Variants in SYT1 observed in about 807,000 individuals in gnomAD.
The protein encoded by SYT1 is synaptotagmin-1.
A neutral mutation model predicts 44.8 loss-of-function variants in SYT1; 8 were observed. That is an observed-to-expected ratio of 0.18 (90% CI 0.10 to 0.32). SYT1 has a LOEUF of 0.32. Among genes scored for constraint, SYT1 ranks in the 10% least tolerant of loss-of-function variants. The pLI is 1.00. For synonymous variants in SYT1, 154 were observed against 188.8 expected, an observed-to-expected ratio of 0.82 and a Z score of 1.51; for missense variants, 286 against 509.3, an observed-to-expected ratio of 0.56 and a Z score of 4.22.
At chr12:78,978,562 C>A (rs1244960779) in intron 2 of SYT1, among the ~76,000 whole-genome samples, 1 of 152,200 alleles carries the variant, frequency 6.6e-6, no homozygotes, top group African/African-American at 2.4e-5. Context: ...AATTCAATTA[C>A]CATTCTTCAT....
intron 3 of SYT1, among the ~76,000 whole-genome samples, chr12:79,204,516 T>C (rs1202297230): frequency 6.6e-6 from 1 of 152,224 alleles, no homozygotes; most frequent in Admixed American, 6.5e-5. Context: ...CTGTAACTTC[T>C]ATAAAAAACA....
In SYT1 at chr12:79,225,994, A is replaced by G. The variant is rs1416246077; in HGVS notation, c.166+8309A>G. The stretch of plus-strand genomic sequence containing the variant: ...CTCTAGCTTCTTCCAAAATAATGTA[A>G]GCTCTCTGAAGGCAATATGTTGGGT... On this transcript the variant is annotated intron_variant, in intron 4 of 10. Coordinates refer to ENST00000261205, the MANE Select transcript of SYT1 (RefSeq NM_005639.3). Among the ~76,000 whole-genome samples, 9 of 152,268 alleles carry G rather than the reference A, an allele frequency of 5.9e-5. No homozygotes were observed. The East Asian group carries it at 1.7e-3, about 29-fold the overall frequency.
chr12:79,397,957 G>A (rs867697927), intron 9 of SYT1, among the ~76,000 whole-genome samples: 4 of 152,188 alleles, frequency 2.6e-5, no homozygotes, highest in South Asian at 2.1e-4. Flanking sequence ...TGTTGGTGCA[G>A]CTTTTTAGTC....
chr12:78,977,743 T>C (rs916366816), intron 1 of SYT1, 56 bp from the exon 2 acceptor site: 8 of 152,208 alleles, frequency 5.3e-5, no homozygotes, highest in African/African-American at 1.9e-4. Flanking sequence ...ACCCAGTCAG[T>C]GTGCAGAGTT....
intron 3 of SYT1, among the ~76,000 whole-genome samples, chr12:79,145,895 C>G (rs1592790137): frequency 6.6e-6 from 1 of 150,884 alleles, no homozygotes; most frequent in South Asian, 2.1e-4. Flanking sequence ...GTAGCTGGGA[C>G]TACAGGCGCC....
chr12:79,386,978 C>A (rs1884461083), intron 9 of SYT1, among the ~76,000 whole-genome samples: 1 of 152,124 alleles, frequency 6.6e-6, no homozygotes, highest in Non-Finnish European at 1.5e-5. Flanking sequence ...TTAATAGAGC[C>A]ATTCTAAACA....
chr12:79,089,962 C>T (rs1336458387), intron 3 of SYT1, among the ~76,000 whole-genome samples: 1 of 152,016 alleles, frequency 6.6e-6, no homozygotes, highest in East Asian at 1.9e-4. Flanking sequence ...TGTGATTATT[C>T]CAACAACAAC....
At chr12:79,175,430 G>T (rs1388759900) in intron 3 of SYT1, among the ~76,000 whole-genome samples, 1 of 151,930 alleles carries the variant, frequency 6.6e-6, no homozygotes, top group African/African-American at 2.4e-5. Flanking sequence ...CATTAATTTG[G>T]CAGCTGACAA....
At chr12:78,882,255 A>T (rs1358798591) in intron 1 of SYT1, among the ~76,000 whole-genome samples, 1 of 151,788 alleles carries the variant, frequency 6.6e-6, no homozygotes, top group Non-Finnish European at 1.5e-5. Flanking sequence ...TTAAAGAAGT[A>T]TGAAGTTTTC....
chr12:78,944,425 C>T (rs17046073), intron 1 of SYT1, among the ~76,000 whole-genome samples: 22,888 of 151,480 alleles, frequency 0.15, 2,051 homozygotes, highest in East Asian at 0.32. Flanking sequence ...GCTTCTAACT[C>T]AGCCTCAGGA....
Position 79,094,835 on chromosome 12 carries a change from A to C in SYT1, c.-18+47473A>C, listed in dbSNP as rs547218214. Among the ~76,000 whole-genome samples, 36 of 152,044 alleles carry C rather than the reference A, an allele frequency of 2.4e-4. No individual in the cohort carries two copies. The East Asian group carries it at 6.8e-3, about 29-fold the overall frequency. On this transcript the variant is annotated intron_variant, in intron 3 of 10. Coordinates refer to ENST00000261205, the MANE Select transcript of SYT1 (RefSeq NM_005639.3). ...AAACTCAACAGCAAAAATAATTCTC[A>C]TGACCTAAATTAATAAGCCTTTTAA...
intron 9 of SYT1, among the ~76,000 whole-genome samples, chr12:79,428,491 T>TA (rs1869579512): frequency 6.6e-6 from 1 of 152,182 alleles, no homozygotes; most frequent in South Asian, 2.1e-4. Flanking sequence ...GACAGATGCA[T>TA]ACCCCATGTC....
At chr12:78,958,584 A>G (rs543816374) in intron 1 of SYT1, among the ~76,000 whole-genome samples, 2 of 152,062 alleles carry the variant, frequency 1.3e-5, no homozygotes, top group South Asian at 4.2e-4. Flanking sequence ...AATCCCAGCT[A>G]CTCGGGAGGC....
rs1565920019 is a variant in SYT1 at position 79,349,058 on chromosome 12, G to GAA, written c.811-4443_811-4442insAA. ...AAAAGAAAGAAAGAAAGAAAGAAAG[G>GAA]AGGGAGGGAGGGAGGGAGGGAAGGA... On this transcript the variant is annotated intron_variant, in intron 8 of 10. Transcript: ENST00000261205. Among the ~76,000 whole-genome samples, 684 of 126,904 alleles carry GAA rather than the reference G, an allele frequency of 5.4e-3. 11 individuals carry two copies. Among genetic ancestry groups the GAA allele is most frequent in the African/African-American group, 0.018 (581 of 31,590 alleles). The allele number at this position is 126,904 out of a possible 152,430, so 83.3% of individuals were successfully genotyped here.
intron 3 of SYT1, among the ~76,000 whole-genome samples, chr12:79,100,189 CACAGCA>C (rs1303251211): frequency 3.9e-5 from 6 of 152,004 alleles, no homozygotes; most frequent in Non-Finnish European, 8.8e-5. Context: ...GTTGAGTACT[CACAGCA>C]ACTGTACGAA....
chr12:78,888,839 G>T (rs561342537), intron 1 of SYT1, among the ~76,000 whole-genome samples: 8 of 151,898 alleles, frequency 5.3e-5, no homozygotes, highest in African/African-American at 1.7e-4. Flanking sequence ...ACTTTGGAGC[G>T]CAAGGTTCTT....
chr12:79,129,459 A>C (rs947746276), intron 3 of SYT1, among the ~76,000 whole-genome samples: 1 of 152,218 alleles, frequency 6.6e-6, no homozygotes, highest in South Asian at 2.1e-4. Context: ...AGTCAAGCTG[A>C]TAAAAGTTAT....
Position 79,062,398 on chromosome 12 carries a change from A to G in SYT1, c.-18+15036A>G, listed in dbSNP as rs372070598. ...AACTTGCATGTACAATTTGATATTG[A>G]AAAGCCTAGAAGGTTCCCCACTGTG... On this transcript the variant is annotated intron_variant, in intron 3 of 10. Transcript: ENST00000261205. Among the ~76,000 whole-genome samples, 63 of 152,300 alleles carry G rather than the reference A, an allele frequency of 4.1e-4. 1 individual carries two copies. In the South Asian group the frequency reaches 0.012, roughly 30 times the overall value.
At chr12:78,898,795 G>A (rs112767065) in intron 1 of SYT1, among the ~76,000 whole-genome samples, 7,740 of 152,076 alleles carry the variant, frequency 0.051, 250 homozygotes, top group Non-Finnish European at 0.072. Flanking sequence ...TAGTGATTTC[G>A]CATGTAGAGA....
Sources: allele counts gnomAD v4.1 joint callset (sites outside exome capture counted in the v4.1 genomes callset), GRCh38; gene constraint gnomAD v4.1.1; transcripts MANE v1.5; gene names NCBI Gene and HGNC (gene_info 2026-07-23, HGNC 2026-07-21).